The following RAD51B variants were observed in gnomAD, a reference collection of about 807,000 sequenced individuals.
The protein encoded by RAD51B is RAD51 paralog B, also known as DNA repair protein RAD51 homolog 2.
Under a neutral mutation model 42.2 loss-of-function variants are expected in RAD51B, and 38 were observed. The ratio of observed to expected loss-of-function variants is 0.90; its 90% CI spans 0.70 to 1.18. The LOEUF (loss-of-function observed/expected upper bound fraction) is 1.18, where lower values mean the gene tolerates loss of function less well. RAD51B is among the 50% of genes most tolerant of loss of function. RAD51B has a pLI of 0.00. For synonymous variants in RAD51B, 154 were observed against 145.2 expected (o/e 1.06, Z -0.43); for missense variants, 373 against 400.7 (o/e 0.93, Z 0.59).
chr14:67,994,322 C>G (rs752577280), intron 7 of RAD51B, among the ~76,000 whole-genome samples: 6 of 151,790 alleles, frequency 4.0e-5, no homozygotes, highest in Non-Finnish European at 7.4e-5. Flanking sequence ...CAAGAATGAT[C>G]TTGAAAAAGA....
At chr14:68,194,526 G>C (rs1411712423) in intron 7 of RAD51B, among the ~76,000 whole-genome samples, 7 of 152,070 alleles carry the variant, frequency 4.6e-5, no homozygotes, top group African/African-American at 1.4e-4. Flanking sequence ...AGAAGGCCAG[G>C]GACGGATTAC....
chr14:68,344,583 C>T (rs1463817499), intron 8 of RAD51B, among the ~76,000 whole-genome samples: 1 of 151,502 alleles, frequency 6.6e-6, no homozygotes, highest in Admixed American at 6.6e-5. Context: ...GGAGGCGGAG[C>T]TTGCAGTGAG....
chr14:68,252,679 C>T (rs1286338676), intron 7 of RAD51B, among the ~76,000 whole-genome samples: 4 of 152,198 alleles, frequency 2.6e-5, no homozygotes, highest in African/African-American at 9.7e-5. Flanking sequence ...TGAATATATA[C>T]ATACAAACCC....
chr14:68,078,070 G>A (rs1439715707), intron 7 of RAD51B, among the ~76,000 whole-genome samples: 2 of 152,220 alleles, frequency 1.3e-5, no homozygotes, highest in Non-Finnish European at 2.9e-5. Flanking sequence ...TATGTAACAT[G>A]CATATGATAT....
chr14:67,891,966 T>G (rs2043232871), intron 7 of RAD51B, among the ~76,000 whole-genome samples: 1 of 152,214 alleles, frequency 6.6e-6, no homozygotes, highest in South Asian at 2.1e-4. Flanking sequence ...GTAGGAATCC[T>G]AGACCCTTGA....
chr14:68,538,765 C>G (rs997860209), intron 10 of RAD51B, among the ~76,000 whole-genome samples: 1 of 151,890 alleles, frequency 6.6e-6, no homozygotes, highest in African/African-American at 2.4e-5. Flanking sequence ...ACTTGTATGG[C>G]GAAAAAGAGC....
intron 10 of RAD51B, among the ~76,000 whole-genome samples, chr14:68,621,173 CCCACCTGTCCATGCATCCATCCAT>C (rs1366163976): frequency 6.6e-6 from 1 of 152,200 alleles, no homozygotes; most frequent in East Asian, 1.9e-4. Context: ...CATCCATCCA[CCCACCTGTCCATGCATCCATCCAT>C]CCATTCATGA....
chr14:67,990,890 G>A lies in RAD51B; in HGVS notation c.756+103686G>A, dbSNP rs551554497. Among the ~76,000 whole-genome samples the A allele has an allele frequency of 7.9e-5, 12 of 152,284 alleles. No homozygotes were observed. The South Asian group carries it at 2.5e-3, about 32-fold the overall frequency. On this transcript the variant is annotated intron_variant, in intron 7 of 10. Coordinates refer to ENST00000471583, the MANE Select transcript of RAD51B (RefSeq NM_133510.4). ...CCTTTTTTTCTCAAAGACTATTGCT[G>A]TGTTAAGATTTTATTATAGCATTTG... is the stretch of plus-strand genomic sequence containing the variant.
At chr14:68,083,261 T>A (rs2076939249) in intron 7 of RAD51B, among the ~76,000 whole-genome samples, 1 of 152,216 alleles carries the variant, frequency 6.6e-6, no homozygotes, top group South Asian at 2.1e-4. Flanking sequence ...TCTATATAAT[T>A]TCAGCCTGTA....
At chr14:68,349,593 A>C (rs1246227024) in intron 8 of RAD51B, among the ~76,000 whole-genome samples, 1 of 152,034 alleles carries the variant, frequency 6.6e-6, no homozygotes, top group Admixed American at 6.6e-5. Flanking sequence ...CTCGAACTCC[A>C]GACCTCAGGT....
intron 4 of RAD51B, among the ~76,000 whole-genome samples, chr14:67,849,563 G>A (rs1237063531): frequency 3.3e-5 from 5 of 152,220 alleles, no homozygotes; most frequent in African/African-American, 7.2e-5. Context: ...GATTACAGGC[G>A]TGAGCCACTG....
At chr14:68,419,616 T>C (rs183585919) in intron 9 of RAD51B, among the ~76,000 whole-genome samples, 1 of 152,344 alleles carries the variant, frequency 6.6e-6, no homozygotes, top group African/African-American at 2.4e-5. Flanking sequence ...GGGCTGGCTA[T>C]GCTACCGCTC....
intron 7 of RAD51B, among the ~76,000 whole-genome samples, chr14:67,970,951 G>C (rs1252206692): frequency 6.6e-6 from 1 of 152,084 alleles, no homozygotes; most frequent in Non-Finnish European, 1.5e-5. Flanking sequence ...ACAGTTGATT[G>C]CCTCAAGTTC....
At chr14:68,473,613 A>T (rs1247120266) in intron 10 of RAD51B, among the ~76,000 whole-genome samples, 1 of 152,240 alleles carries the variant, frequency 6.6e-6, no homozygotes, top group East Asian at 1.9e-4. Flanking sequence ...ATATATGAAA[A>T]AAAATTTTAA....
At chr14:68,386,672 G>A (rs147229075) in intron 8 of RAD51B, among the ~76,000 whole-genome samples, 2 of 152,218 alleles carry the variant, frequency 1.3e-5, no homozygotes, top group Admixed American at 1.3e-4. Flanking sequence ...TGGATTGCAC[G>A]TGCCTTTTAG....
intron 7 of RAD51B, among the ~76,000 whole-genome samples, chr14:68,162,971 T>C (rs902847996): frequency 3.3e-5 from 5 of 152,244 alleles, no homozygotes; most frequent in East Asian, 1.9e-4. Context: ...GCTGCAGTTA[T>C]TGGGTTTGAC....
intron 10 of RAD51B, among the ~76,000 whole-genome samples, chr14:68,490,189 TG>T (rs1188481284): frequency 6.6e-6 from 1 of 152,240 alleles, no homozygotes; most frequent in Non-Finnish European, 1.5e-5. Context: ...GTAATATAAA[TG>T]GGATAACAGA....
At chr14:67,894,171 T>C (rs1056921189) in intron 7 of RAD51B, among the ~76,000 whole-genome samples, 1 of 152,238 alleles carries the variant, frequency 6.6e-6, no homozygotes, top group Non-Finnish European at 1.5e-5. Context: ...TTCTTCACAA[T>C]GTTTGGCATA....
intron 10 of RAD51B, chr14:68,497,409 G>A (rs1884606816): frequency 3.5e-6 from 4 of 1,128,426 alleles, no homozygotes; most frequent in Non-Finnish European, 4.4e-6. Flanking sequence ...TGATACCATG[G>A]CACTGACAAT....
Sources: allele counts gnomAD v4.1 joint callset (sites outside exome capture counted in the v4.1 genomes callset), GRCh38; gene constraint gnomAD v4.1.1; transcripts MANE v1.5; gene names NCBI Gene and HGNC (gene_info 2026-07-23, HGNC 2026-07-21).